PDGFC: variants seen among roughly 807,000 people sequenced by gnomAD.
The protein encoded by PDGFC is platelet-derived growth factor C.
Under a neutral mutation model 35.5 loss-of-function variants are expected in PDGFC, and 12 were observed. The observed-to-expected ratio is 0.34, with a 90% CI of 0.22 to 0.55. PDGFC has a LOEUF of 0.55. PDGFC is among the 20% of genes least tolerant of loss of function. The probability of loss-of-function intolerance (pLI) is 0.91; values close to 1 mark genes in which losing one functional copy is unlikely to be tolerated. For missense variants in PDGFC, 322 were observed against 412.4 expected (o/e 0.78, Z 1.90); for synonymous variants, 159 against 148.8 (o/e 1.07, Z -0.50).
chr4:156,854,187 G>C (rs2111093810), intron 1 of PDGFC, among the ~76,000 whole-genome samples: 1 of 152,020 alleles, frequency 6.6e-6, no homozygotes, highest in Admixed American at 6.5e-5. Flanking sequence ...TTTCCCATCA[G>C]ATTTATTAAA....
intron 2 of PDGFC, among the ~76,000 whole-genome samples, chr4:156,844,511 G>T (rs917091099): frequency 6.6e-6 from 1 of 152,012 alleles, no homozygotes; most frequent in South Asian, 2.1e-4. Flanking sequence ...AGATTTCTTT[G>T]GAATTTTTTT....
At chr4:156,909,072 A>G (rs919565554) in intron 1 of PDGFC, among the ~76,000 whole-genome samples, 3 of 152,198 alleles carry the variant, frequency 2.0e-5, no homozygotes, top group African/African-American at 7.2e-5. Context: ...AGAATAAGGC[A>G]TATGGGGGAA....
At chr4:156,916,871 A>C (rs2110826052) in intron 1 of PDGFC, among the ~76,000 whole-genome samples, 1 of 152,310 alleles carries the variant, frequency 6.6e-6, no homozygotes, top group Non-Finnish European at 1.5e-5. Context: ...AAAACTATCC[A>C]AAACTCTTAA....
chr4:156,897,050 C>A (rs1313858721), intron 1 of PDGFC, among the ~76,000 whole-genome samples: 1 of 152,040 alleles, frequency 6.6e-6, no homozygotes, highest in African/African-American at 2.4e-5. Flanking sequence ...CCAGTCGATA[C>A]CTCTTTGCAG....
intron 1 of PDGFC, among the ~76,000 whole-genome samples, chr4:156,949,068 A>G (rs1296027143): frequency 1.3e-5 from 2 of 151,972 alleles, no homozygotes; most frequent in African/African-American, 4.8e-5. Context: ...TCCATCTCTG[A>G]AAACATCCAG....
At chr4:156,825,587 T>TAAGAAGAAGAAGAAGAAGAAGAAGGAG (rs1390899557) in intron 2 of PDGFC, among the ~76,000 whole-genome samples, 1 of 87,218 alleles carries the variant, frequency 1.1e-5, no homozygotes, top group African/African-American at 6.1e-5. Context: ...ATAATAATAA[T>TAAGAAGAAGAAGAAGAAGAAGAAGGAG]AATAATAAGA....
intron 2 of PDGFC, among the ~76,000 whole-genome samples, chr4:156,840,213 G>A (rs1055526936): frequency 6.6e-6 from 1 of 152,162 alleles, no homozygotes; most frequent in Non-Finnish European, 1.5e-5. Flanking sequence ...TGGAGGCCTA[G>A]GAGGGAAAAA....
At chr4:156,862,201 T>C (rs1307571594) in intron 1 of PDGFC, among the ~76,000 whole-genome samples, 1 of 152,170 alleles carries the variant, frequency 6.6e-6, no homozygotes, top group Non-Finnish European at 1.5e-5. Flanking sequence ...AGAAATAAAA[T>C]AAATCCTCTG....
intron 1 of PDGFC, among the ~76,000 whole-genome samples, chr4:156,864,622 G>A (rs1729791276): frequency 6.6e-6 from 1 of 152,068 alleles, no homozygotes; most frequent in Non-Finnish European, 1.5e-5. Context: ...TGCTGGATGT[G>A]GGGTTTGAAA....
chr4:156,957,223 T>A (rs1732234390), intron 1 of PDGFC, among the ~76,000 whole-genome samples: 1 of 151,988 alleles, frequency 6.6e-6, no homozygotes, highest in African/African-American at 2.4e-5. Context: ...TTTCCTCTCC[T>A]CTGGCTCTCC....
chr4:156,887,454 C>A (rs1730402005), intron 1 of PDGFC, among the ~76,000 whole-genome samples: 1 of 151,984 alleles, frequency 6.6e-6, no homozygotes, highest in Non-Finnish European at 1.5e-5. Context: ...TAAGAGTCTA[C>A]CTGAGGTCAT....
chr4:156,777,056 A>G (rs1482386719), intron 3 of PDGFC, among the ~76,000 whole-genome samples: 3 of 151,718 alleles, frequency 2.0e-5, no homozygotes, highest in Non-Finnish European at 4.4e-5. Flanking sequence ...TTTTTCTTTT[A>G]ACTCTCCTTG....
intron 2 of PDGFC, among the ~76,000 whole-genome samples, chr4:156,815,359 CACACACA>C (rs1732057487): frequency 2.0e-5 from 3 of 150,656 alleles, no homozygotes; most frequent in East Asian, 1.9e-4. Flanking sequence ...CACACACACA[CACACACA>C]CCCCGTTGTC....
chr4:156,786,172 A>G (rs779538983), intron 3 of PDGFC, among the ~76,000 whole-genome samples: 31 of 152,160 alleles, frequency 2.0e-4, no homozygotes, highest in Admixed American at 3.3e-4. Flanking sequence ...AGCAACTAAT[A>G]CGAGCCAGAC....
intron 2 of PDGFC, among the ~76,000 whole-genome samples, chr4:156,835,478 CA>C (rs550054819): frequency 8.1e-5 from 12 of 148,638 alleles, no homozygotes; most frequent in Middle Eastern, 3.4e-3. Context: ...TGGATGAAGG[CA>C]AAAAAAAATG....
At chr4:156,966,036 A>T (rs1412626964) in intron 1 of PDGFC, among the ~76,000 whole-genome samples, 1 of 152,128 alleles carries the variant, frequency 6.6e-6, no homozygotes, top group Non-Finnish European at 1.5e-5. Context: ...GTCTCTTCCC[A>T]ACTCATTGGA....
At chr4:156,917,321 C>G (rs746535344) in intron 1 of PDGFC, among the ~76,000 whole-genome samples, 23 of 152,288 alleles carry the variant, frequency 1.5e-4, no homozygotes, top group Admixed American at 3.9e-4. Flanking sequence ...CCAAACACAG[C>G]CCTAGAAAAA....
rs1730726908 is a variant in PDGFC at position 156,772,896 on chromosome 4, G to A, written c.496-3C>T. ...GGACTCACAGCTTCTGTGAATTGCT[G>A]AAAGTAAAATGAATCCTGTGTTAAC... On this transcript the variant is annotated splice_polypyrimidine_tract_variant and splice_region_variant and intron_variant, in intron 3 of 5. Coordinates refer to ENST00000502773, the MANE Select transcript of PDGFC (RefSeq NM_016205.3). 1 of 1,600,260 alleles carries A rather than the reference G, an allele frequency of 6.2e-7. No homozygotes were observed. Among genetic ancestry groups the A allele is most frequent in the Admixed American group, 1.7e-5 (1 of 59,840 alleles).
intron 2 of PDGFC, among the ~76,000 whole-genome samples, chr4:156,823,014 T>C (rs1284518013): frequency 6.6e-6 from 1 of 152,022 alleles, no homozygotes; most frequent in Non-Finnish European, 1.5e-5. Flanking sequence ...GGTTACAGGC[T>C]TGAGCCACAG....
Sources: allele counts gnomAD v4.1 joint callset (sites outside exome capture counted in the v4.1 genomes callset), GRCh38; gene constraint gnomAD v4.1.1; transcripts MANE v1.5; gene names NCBI Gene and HGNC (gene_info 2026-07-23, HGNC 2026-07-21).